ERCC6L2: variants seen among roughly 807,000 people sequenced by gnomAD.
The protein encoded by ERCC6L2 is DNA excision repair protein ERCC-6-like 2.
Under a neutral mutation model 132.0 loss-of-function variants are expected in ERCC6L2, and 77 were observed. The observed-to-expected ratio is 0.58, with a 90% CI of 0.49 to 0.71. The LOEUF is 0.71. ERCC6L2 is among the 30% of genes least tolerant of loss of function. ERCC6L2 has a pLI of 0.00. For synonymous variants in ERCC6L2, 583 were observed against 632.4 expected (o/e 0.92, Z 1.17); for missense variants, 1,542 against 1,837.6 (o/e 0.84, Z 2.94).
At position 95,916,311 on chromosome 9, in the gene ERCC6L2, A is replaced by G; in HGVS notation, c.1035A>G (p.Ala345=). Residue 345 remains alanine, a synonymous_variant, in exon 6 of 19, where the codon GCA becomes GCG. Transcript: ENST00000653738. ...DPVEHGQRHT[A]TKRELATGRK... is the part of the protein sequence containing the mutation. ...TAGAACATGGTCAGAGACACACGGC[A>G]ACAAAGAGAGAACTAGCCACTGGCC... is the stretch of plus-strand genomic sequence containing the variant. 3 of 1,614,164 alleles carry G rather than the reference A, an allele frequency of 1.9e-6. No homozygotes were observed. Among genetic ancestry groups the G allele is most frequent in the Non-Finnish European group, 2.5e-6 (3 of 1,180,008 alleles).
At chr9:95,963,857 G>C (rs1364246728) in intron 13 of ERCC6L2, among the ~76,000 whole-genome samples, 1 of 152,146 alleles carries the variant, frequency 6.6e-6, no homozygotes, top group African/African-American at 2.4e-5. Context: ...CCACAGACAT[G>C]ATACTGTGCT....
chr9:95,895,137 C>G (rs1342061846), intron 2 of ERCC6L2, among the ~76,000 whole-genome samples: 1 of 152,066 alleles, frequency 6.6e-6, no homozygotes, highest in Non-Finnish European at 1.5e-5. Flanking sequence ...ATTTAGACTT[C>G]TTAAAATTTC....
At chr9:96,040,923 C>A (rs1439207910) in intron 20 of ERCC6L2, among the ~76,000 whole-genome samples, 1 of 152,158 alleles carries the variant, frequency 6.6e-6, no homozygotes, top group Non-Finnish European at 1.5e-5. Context: ...GTTTGTTTGT[C>A]TTGAGGGAAG....
chr9:96,033,413 T>C (rs775912627), intron 19 of ERCC6L2, among the ~76,000 whole-genome samples: 3 of 152,150 alleles, frequency 2.0e-5, no homozygotes, highest in Admixed American at 6.5e-5. Context: ...CCTGGCTAAA[T>C]TTTTTGCATT....
chr9:95,890,374 A>G (rs1272381630), intron 2 of ERCC6L2, among the ~76,000 whole-genome samples: 1 of 152,190 alleles, frequency 6.6e-6, no homozygotes, highest in African/African-American at 2.4e-5. Flanking sequence ...CCTCTATTTA[A>G]TTGGTGAAAA....
intron 3 of ERCC6L2, chr9:95,906,831 A>G (rs1829062851): frequency 1.9e-6 from 1 of 531,800 alleles, no homozygotes; most frequent in Non-Finnish European, 3.4e-6. Context: ...GGGGGAAATA[A>G]AAAACACGTG....
rs1564189708 is a variant in ERCC6L2, at chr9:95,881,037, T to A, written c.215T>A (p.Val72Glu). The part of the protein sequence containing the change: ...RKIPLKQLQE[V>E]KFVKDCPRNL... ...ATACCTCTTAAACAGCTTCAAGAAG[T>A]GAAATTTGTTAAAGATTGCCCTAGG... Residue 72 changes from valine (V) to glutamate (E), a missense_variant, in exon 2 of 19, where the codon GTG becomes GAG. Coordinates refer to ENST00000653738, the MANE Select transcript of ERCC6L2 (RefSeq NM_020207.7). 1 of 1,614,008 alleles carries A rather than the reference T, an allele frequency of 6.2e-7. No individual in the cohort carries two copies. The highest frequency in any genetic ancestry group is 8.5e-7 in the Non-Finnish European group (1 of 1,179,908).
intron 11 of ERCC6L2, among the ~76,000 whole-genome samples, chr9:95,939,524 C>T (rs914506242): frequency 3.3e-5 from 5 of 152,090 alleles, no homozygotes; most frequent in Admixed American, 6.5e-5. Context: ...GTTCATATTT[C>T]GTGAATGATA....
intron 12 of ERCC6L2, among the ~76,000 whole-genome samples, chr9:95,947,730 A>G (rs1364252263): frequency 2.0e-5 from 3 of 152,188 alleles, no homozygotes; most frequent in African/African-American, 7.2e-5. Flanking sequence ...CTCATTTACC[A>G]TTCCGAAAAT....
intron 14 of ERCC6L2, among the ~76,000 whole-genome samples, chr9:95,969,193 G>T (rs906119819): frequency 1.1e-4 from 17 of 152,158 alleles, no homozygotes; most frequent in African/African-American, 3.9e-4. Context: ...AGATGACAGA[G>T]AGCCAGACCA....
intron 8 of ERCC6L2, 85 bp from the exon 9 acceptor site, chr9:95,923,175 G>T (rs991221595): frequency 1.8e-5 from 27 of 1,472,956 alleles, no homozygotes; most frequent in African/African-American, 2.8e-5. Context: ...TTTCTAAAAA[G>T]AATTTTTTTC....
At chr9:95,974,964 A>G (rs183241891) in intron 16 of ERCC6L2, among the ~76,000 whole-genome samples, 1 of 152,190 alleles carries the variant, frequency 6.6e-6, no homozygotes, top group East Asian at 1.9e-4. Context: ...TCAAGCATAT[A>G]GGGAATGATT....
chr9:95,989,509 A>G (rs1833216236), intron 17 of ERCC6L2, among the ~76,000 whole-genome samples: 2 of 152,258 alleles, frequency 1.3e-5, no homozygotes, highest in Non-Finnish European at 2.9e-5. Flanking sequence ...TTCATACAGC[A>G]AGCATTTATT....
In ERCC6L2 at chr9:96,015,647, A is replaced by C. The variant is rs10819713; in HGVS notation, c.*2444A>C. On this transcript the variant is annotated 3_prime_UTR_variant, in exon 19 of 19. Coordinates refer to ENST00000653738, the MANE Select transcript of ERCC6L2 (RefSeq NM_020207.7). Reference sequence around the variant, plus strand: ...CGTCTCTACTAAAAAAAAAAAAAATACAAAAATTAGCCAGGCGTGGTGGTG... The same window carrying C: ...CGTCTCTACTAAAAAAAAAAAAAATCCAAAAATTAGCCAGGCGTGGTGGTG... Among the ~76,000 whole-genome samples, 1 of 149,152 alleles carries C rather than the reference A, an allele frequency of 6.7e-6. No individual in the cohort carries two copies. Among genetic ancestry groups the C allele is most frequent in the Non-Finnish European group, 1.5e-5 (1 of 67,360 alleles).
intron 13 of ERCC6L2, among the ~76,000 whole-genome samples, chr9:95,962,877 C>T (rs752632846): frequency 2.6e-5 from 4 of 152,030 alleles, no homozygotes; most frequent in African/African-American, 9.7e-5. Flanking sequence ...AATTAAGGAG[C>T]ATGTGTATGT....
intron 11 of ERCC6L2, among the ~76,000 whole-genome samples, chr9:95,938,888 A>G (rs1054680373): frequency 1.1e-4 from 17 of 151,708 alleles, no homozygotes; most frequent in African/African-American, 3.4e-4. Flanking sequence ...TGTTTCTCTT[A>G]TTCAGACATT....
intron 20 of ERCC6L2, among the ~76,000 whole-genome samples, chr9:96,040,261 T>G (rs1323251711): frequency 6.6e-6 from 1 of 152,032 alleles, no homozygotes; most frequent in East Asian, 1.9e-4. Context: ...CCCCTTTTTC[T>G]GGGCGTCACG....
chr9:95,988,147 C>A (rs1270993040), intron 17 of ERCC6L2, among the ~76,000 whole-genome samples: 1 of 152,146 alleles, frequency 6.6e-6, no homozygotes, highest in African/African-American at 2.4e-5. Context: ...CTCTGACATA[C>A]CCTGGAGACA....
At chr9:95,891,458 C>T (rs1828158990) in intron 2 of ERCC6L2, among the ~76,000 whole-genome samples, 1 of 152,166 alleles carries the variant, frequency 6.6e-6, no homozygotes, top group Non-Finnish European at 1.5e-5. Flanking sequence ...GCAACTCCCA[C>T]CTCTTTCTAG....
Sources: allele counts gnomAD v4.1 joint callset (sites outside exome capture counted in the v4.1 genomes callset), GRCh38; gene constraint gnomAD v4.1.1; transcripts MANE v1.5; gene names NCBI Gene and HGNC (gene_info 2026-07-23, HGNC 2026-07-21).